The following PEBP1 variants were observed in gnomAD, a reference collection of about 807,000 sequenced individuals.
PEBP1 encodes phosphatidylethanolamine binding protein 1, also known as phosphatidylethanolamine-binding protein 1.
Under a neutral mutation model 22.7 loss-of-function variants are expected in PEBP1, and 17 were observed. The observed-to-expected ratio is 0.75, with a 90% CI of 0.51 to 1.12. PEBP1 has a LOEUF of 1.12. PEBP1 is among the 50% of genes most tolerant of loss of function. The pLI is 0.00. For synonymous variants in PEBP1, 106 were observed against 104.3 expected, an observed-to-expected ratio of 1.02 and a Z score of -0.10; for missense variants, 205 against 243.5, an observed-to-expected ratio of 0.84 and a Z score of 1.05.
chr12:118,142,174 C>CTTTTT (rs897008585), intron 3 of PEBP1, among the ~76,000 whole-genome samples: 1 of 125,462 alleles, frequency 8.0e-6, no homozygotes, highest in Non-Finnish European at 1.7e-5. Context: ...GCCATGCATT[C>CTTTTT]TTTTTTTTTT....
intron 3 of PEBP1, among the ~76,000 whole-genome samples, chr12:118,144,153 C>G (rs2034136421): frequency 6.6e-6 from 1 of 152,050 alleles, no homozygotes; most frequent in African/African-American, 2.4e-5. Flanking sequence ...TAATTGGTTG[C>G]TCCTACCTGA....
Position 118,139,373 on chromosome 12 carries a change from T to C in PEBP1, c.246-78T>C, listed in dbSNP as rs2034095179. On this transcript the variant is annotated intron_variant, in intron 2 of 3. Transcript: ENST00000261313. ...CTGTGTTGTGGCAGCCAGCATGTTC[T>C]TGATGCCCAGTTGCTGACTGTGCAG... 4 of 950,910 alleles carry C rather than the reference T, an allele frequency of 4.2e-6. No homozygotes were observed. The Admixed American group carries it at 6.9e-5, about 16-fold the overall frequency. 58.9% of individuals were successfully genotyped at this position (950,910 alleles called of 1,614,324 possible). A position where few individuals can be genotyped will look rare whatever the true frequency, so the allele number is the denominator to read the frequency against.
Position 118,144,560 on chromosome 12 carries a change from C to T in PEBP1, c.347-26C>T, listed in dbSNP as rs755154968. 3.1e-6 allele frequency: 5 copies of T among 1,595,910 alleles called. No individual in the cohort carries two copies. In the South Asian group the frequency reaches 4.5e-5, roughly 14 times the overall value. ...CATCTCAAGTGCTGGGCTGTGTGTACATCTTCCCTCTGCCTCTCCCCACAG... is the reference window on the plus strand; with the variant it reads ...CATCTCAAGTGCTGGGCTGTGTGTATATCTTCCCTCTGCCTCTCCCCACAG... On this transcript the variant is annotated intron_variant, in intron 3 of 3. Transcript: ENST00000261313.
rs200701754 is a variant in PEBP1, at chr12:118,136,733, G to A, written c.135+389G>A. ...GGACGCCCCCAGAGCTTCCCCTAGG[G>A]CCTCAGCATTTTAGGCCTGGTTTTG... On this transcript the variant is annotated intron_variant, in intron 1 of 3. Transcript: ENST00000261313. The surrounding 1 kb of genome is among the most constrained non-coding windows in gnomAD (Gnocchi z 5.6). Among the ~76,000 whole-genome samples, 7 of 152,334 alleles carry A rather than the reference G, an allele frequency of 4.6e-5. No homozygotes were observed. In the East Asian group the frequency reaches 1.2e-3, roughly 25 times the overall value.
intron 3 of PEBP1, among the ~76,000 whole-genome samples, chr12:118,141,738 A>C (rs1303447362): frequency 2.0e-5 from 3 of 152,204 alleles, no homozygotes; most frequent in Non-Finnish European, 4.4e-5. Flanking sequence ...TGCCTCCAAA[A>C]AAAAAGTATC....
Position 118,136,231 on chromosome 12 carries a change from T to A in PEBP1, c.22T>A (p.Trp8Arg), listed in dbSNP as rs1049582379. 1 of 1,546,710 alleles carries A rather than the reference T, an allele frequency of 6.5e-7. No homozygotes were observed. Residue 8 changes from tryptophan to arginine, a missense_variant, in exon 1 of 4, where the codon TGG (tryptophan) becomes AGG (arginine). By Grantham distance (101) the Trp-to-Arg change is moderately radical. Coordinates refer to ENST00000261313, the MANE Select transcript of PEBP1 (RefSeq NM_002567.4). This position sits in a 1 kb window ranked among gnomAD's most constrained non-coding sequence, Gnocchi z 5.6. ...CGCCATGCCGGTGGACCTCAGCAAG[T>A]GGTCCGGGCCCTTGAGCCTGCAAGA... MPVDLSK[W>R]SGPLSLQEVD...
At position 118,136,236 on chromosome 12, in the gene PEBP1, C is replaced by CG; in HGVS notation, c.30dup (p.Pro11AlafsTer37). 2.6e-6 allele frequency: 4 copies of CG among 1,546,932 alleles called. No individual in the cohort carries two copies. In the African/African-American group the frequency reaches 5.5e-5, roughly 21 times the overall value. On this transcript the variant is annotated frameshift_variant, in exon 1 of 4. Coordinates refer to ENST00000261313, the MANE Select transcript of PEBP1 (RefSeq NM_002567.4). LOFTEE classifies it high-confidence loss of function. The surrounding 1 kb of genome is among the most constrained non-coding windows in gnomAD (Gnocchi z 5.6). Reference sequence around the variant, plus strand: ...TGCCGGTGGACCTCAGCAAGTGGTCCGGGCCCTTGAGCCTGCAAGAAGTGG... The same window carrying CG: ...TGCCGGTGGACCTCAGCAAGTGGTCCGGGGCCCTTGAGCCTGCAAGAAGTGG...
In PEBP1 at chr12:118,136,139, C is replaced by G; in HGVS notation, c.-71C>G. On this transcript the variant is annotated 5_prime_UTR_variant, in exon 1 of 4. Transcript: ENST00000261313. This position sits in a 1 kb window ranked among gnomAD's most constrained non-coding sequence, Gnocchi z 5.6. ...TTCCCGAGCCAGTGTGCTGAGCTCT[C>G]CGCGTCGCCTCTGTCGCCCGCGCCT... The G allele has an allele frequency of 6.6e-7, 1 of 1,523,594 alleles. No individual in the cohort carries two copies. The highest frequency in any genetic ancestry group is 8.8e-7 in the Non-Finnish European group (1 of 1,137,800). 94.4% of individuals were successfully genotyped at this position (1,523,594 alleles called of 1,614,324 possible). A position where few individuals can be genotyped will look rare whatever the true frequency, so the allele number is the denominator to read the frequency against.
At chr12:118,139,572 G>T (rs1399491673) in intron 3 of PEBP1, 21 bp downstream of exon 3, 3 of 1,538,616 alleles carry the variant, frequency 1.9e-6, no homozygotes, top group Non-Finnish European at 2.7e-6. Context: ...GTTGTTTTTG[G>T]TGGGAGGTTG....
chr12:118,143,038 G>A (rs1167563901), intron 3 of PEBP1, among the ~76,000 whole-genome samples: 4 of 151,428 alleles, frequency 2.6e-5, no homozygotes, highest in South Asian at 4.2e-4. Context: ...TAGTAGAGAC[G>A]GGGTTTCGCC....
intron 1 of PEBP1, among the ~76,000 whole-genome samples, chr12:118,137,157 G>A (rs563814273): frequency 6.6e-5 from 10 of 152,220 alleles, no homozygotes; most frequent in African/African-American, 2.2e-4. Context: ...GAAACGTACA[G>A]TTAATGCAGA....
chr12:118,136,843 G>A lies in PEBP1; in HGVS notation c.135+499G>A, dbSNP rs1257183758. ...CGGCCGATTTCTCCTTTGTTAAATGGGTCGAGAGCGTCCAGCCGGTACGCT... is the reference window on the plus strand; with the variant it reads ...CGGCCGATTTCTCCTTTGTTAAATGAGTCGAGAGCGTCCAGCCGGTACGCT... On this transcript the variant is annotated intron_variant, in intron 1 of 3. Transcript: ENST00000261313. This position sits in a 1 kb window ranked among gnomAD's most constrained non-coding sequence, Gnocchi z 5.6. 6.6e-6 allele frequency among the ~76,000 whole-genome samples: 1 copy of A among 152,146 alleles called. No individual in the cohort carries two copies. Among genetic ancestry groups the A allele is most frequent in the Non-Finnish European group, 1.5e-5 (1 of 68,028 alleles).
At chr12:118,140,058 A>G (rs201410961) in intron 3 of PEBP1, among the ~76,000 whole-genome samples, 5 of 46,196 alleles carry the variant, frequency 1.1e-4, no homozygotes, top group East Asian at 1.2e-3. Flanking sequence ...TTGAAGGCGC[A>G]CACACACACA....
In PEBP1 at chr12:118,136,175, G is replaced by C. The variant is rs1383686041; in HGVS notation, c.-35G>C. ...CTGTCGCCCGCGCCTGGCCTACCGC[G>C]GCACTCCCGGCTGCACGCTCTGCTT... On this transcript the variant is annotated 5_prime_UTR_variant, in exon 1 of 4. Transcript: ENST00000261313. The surrounding 1 kb of genome is among the most constrained non-coding windows in gnomAD (Gnocchi z 5.6). The C allele has an allele frequency of 3.2e-6, 5 of 1,539,206 alleles. No homozygotes were observed. Among genetic ancestry groups the C allele is most frequent in the Non-Finnish European group, 3.5e-6 (4 of 1,145,548 alleles).
chr12:118,144,438 C>T, intron 3 of PEBP1, 148 bp from the exon 4 acceptor site: 1 of 720,190 alleles, frequency 1.4e-6, no homozygotes, highest in Middle Eastern at 2.5e-4. Flanking sequence ...TGTTAATTTG[C>T]ACCAAATACC....
At chr12:118,139,357 G>T in intron 2 of PEBP1, 94 bp from the exon 3 acceptor site, 1 of 812,592 alleles carries the variant, frequency 1.2e-6, no homozygotes. Flanking sequence ...GCTGTGTTGT[G>T]GCAGCCAGCA....
intron 2 of PEBP1, chr12:118,139,195 C>G: frequency 2.8e-6 from 1 of 353,024 alleles, no homozygotes; most frequent in Non-Finnish European, 5.4e-6. Context: ...CGCCTGTAAT[C>G]CCAGCTACTT....
At chr12:118,143,873 C>T (rs1365835008) in intron 3 of PEBP1, among the ~76,000 whole-genome samples, 1 of 150,616 alleles carries the variant, frequency 6.6e-6, no homozygotes, top group Non-Finnish European at 1.5e-5. Flanking sequence ...CCACTGCACT[C>T]CACGCCTAGG....
Position 118,144,520 on chromosome 12 carries a change from A to G in PEBP1, c.347-66A>G, listed in dbSNP as rs2034139183. The G allele has an allele frequency of 2.7e-6, 4 of 1,473,364 alleles. No individual in the cohort carries two copies. The South Asian group carries it at 4.8e-5, about 18-fold the overall frequency. The allele number at this position is 1,473,364 out of a possible 1,614,324, so 91.3% of individuals were successfully genotyped here. On this transcript the variant is annotated intron_variant, in intron 3 of 3. Coordinates refer to ENST00000261313, the MANE Select transcript of PEBP1 (RefSeq NM_002567.4). ...CCTCCATGTTGAAACATTCGATAAAAATGGATGATGTCCCCATCTCAAGTG... is the reference window on the plus strand; with the variant it reads ...CCTCCATGTTGAAACATTCGATAAAGATGGATGATGTCCCCATCTCAAGTG...
Sources: gnomAD v4.1 joint callset for allele counts (sites outside exome capture counted in the v4.1 genomes callset) on GRCh38, gnomAD v4.1.1 for gene constraint, Gnocchi (gnomAD v3.1) non-coding constraint, MANE v1.5 for transcripts, NCBI Gene and HGNC (gene_info 2026-07-23, HGNC 2026-07-21) for gene names.